Variants in IGSF11 observed in about 807,000 individuals in gnomAD.
IGSF11 encodes the protein CXADR like 1.
IGSF11 carries 22 observed loss-of-function variants against 41.0 expected under a neutral mutation model. That is an observed-to-expected ratio of 0.54 (90% CI 0.38 to 0.77). The LOEUF (loss-of-function observed/expected upper bound fraction) is 0.77, where lower values mean the gene tolerates loss of function less well. Among genes scored for constraint, IGSF11 ranks in the 30% least tolerant of loss-of-function variants. The pLI is 0.00. For missense variants in IGSF11, 444 were observed against 530.8 expected, an observed-to-expected ratio of 0.84 and a Z score of 1.61; for synonymous variants, 219 against 201.3, an observed-to-expected ratio of 1.09 and a Z score of -0.74.
intron 1 of IGSF11, among the ~76,000 whole-genome samples, chr3:119,078,691 G>T (rs1165242649): frequency 6.6e-6 from 1 of 152,136 alleles, no homozygotes; most frequent in South Asian, 2.1e-4. Context: ...AAAAGCAATT[G>T]CAACAAAAAG....
At chr3:119,122,331 A>C (rs1380597468) in intron 1 of IGSF11, among the ~76,000 whole-genome samples, 1 of 152,234 alleles carries the variant, frequency 6.6e-6, no homozygotes, top group Non-Finnish European at 1.5e-5. Flanking sequence ...TATATAGCTG[A>C]TACCTGCCCA....
chr3:119,012,660 C>T (rs1173550586), intron 1 of IGSF11: 4 of 152,172 alleles, frequency 2.6e-5, no homozygotes, highest in Non-Finnish European at 5.9e-5. Context: ...TACATTTCCC[C>T]CATCCACTTT....
intron 1 of IGSF11, among the ~76,000 whole-genome samples, chr3:119,130,413 C>T (rs2077465450): frequency 6.6e-6 from 1 of 152,218 alleles, no homozygotes; most frequent in African/African-American, 2.4e-5. Context: ...CTCTCCTGTG[C>T]CTGGCTCGGC....
At chr3:118,907,270 T>C (rs1939720455) in intron 4 of IGSF11, among the ~76,000 whole-genome samples, 1 of 152,196 alleles carries the variant, frequency 6.6e-6, no homozygotes, top group African/African-American at 2.4e-5. Flanking sequence ...GAGTAAAGTG[T>C]GCAGCATTTA....
At chr3:119,045,878 G>A (rs575519693) in intron 1 of IGSF11, among the ~76,000 whole-genome samples, 11 of 152,084 alleles carry the variant, frequency 7.2e-5, no homozygotes, top group Middle Eastern at 3.4e-3. Flanking sequence ...CCCCCAGCAG[G>A]GGCACAGTGA....
At chr3:119,005,509 AT>A in intron 1 of IGSF11, among the ~76,000 whole-genome samples, 1 of 145,766 alleles carries the variant, frequency 6.9e-6, no homozygotes, top group Middle Eastern at 3.4e-3. Flanking sequence ...TGTCATTATG[AT>A]GTTAGCTGGT....
intron 4 of IGSF11, among the ~76,000 whole-genome samples, chr3:118,914,315 G>T (rs551019874): frequency 6.6e-6 from 1 of 151,792 alleles, no homozygotes; most frequent in Non-Finnish European, 1.5e-5. Flanking sequence ...CGCAGAAGAC[G>T]GGTGATTTCT....
chr3:118,998,223 G>A (rs529113775), intron 1 of IGSF11, among the ~76,000 whole-genome samples: 4 of 152,166 alleles, frequency 2.6e-5, no homozygotes, highest in South Asian at 2.1e-4. Flanking sequence ...GATCAGAGGT[G>A]ACAGCCTGGT....
chr3:119,083,113 C>CTTTTTCT (rs1203517109), intron 1 of IGSF11, among the ~76,000 whole-genome samples: 1 of 138,356 alleles, frequency 7.2e-6, no homozygotes, highest in Admixed American at 7.7e-5. Context: ...TTTTCTTTTT[C>CTTTTTCT]TTTTTCTTTT....
At chr3:118,960,476 G>A (rs918760347) in intron 1 of IGSF11, among the ~76,000 whole-genome samples, 11 of 152,162 alleles carry the variant, frequency 7.2e-5, no homozygotes, top group South Asian at 2.1e-4. Flanking sequence ...TATCATATAC[G>A]TATGTATAAA....
In IGSF11 at chr3:119,125,237, A is replaced by C. The variant is rs1469432672; in HGVS notation, c.-13-20032T>G. On this transcript the variant is annotated intron_variant, in intron 1 of 7. Transcript: ENST00000425327. ...ATCTGAAAGGGCCGGCAGTGCCAAG[A>C]TGGCCAACTAGAAGCAGCTGCGTTT... is the stretch of plus-strand genomic sequence containing the variant. 2.0e-5 allele frequency among the ~76,000 whole-genome samples: 3 copies of C among 152,218 alleles called. No individual in the cohort carries two copies. In the East Asian group the frequency reaches 5.8e-4, roughly 29 times the overall value.
At chr3:119,024,745 TA>T (rs1221552410) in intron 1 of IGSF11, among the ~76,000 whole-genome samples, 2 of 152,178 alleles carry the variant, frequency 1.3e-5, no homozygotes, top group Non-Finnish European at 1.5e-5. Context: ...ATTTATCACA[TA>T]ACCTAGTATA....
intron 1 of IGSF11, among the ~76,000 whole-genome samples, chr3:119,009,353 T>C (rs1215725389): frequency 1.3e-5 from 2 of 152,172 alleles, no homozygotes; most frequent in African/African-American, 2.4e-5. Flanking sequence ...TCCACCCAAA[T>C]CTTACCTAGA....
chr3:119,111,777 T>A (rs1214986992), intron 1 of IGSF11, among the ~76,000 whole-genome samples: 3 of 152,220 alleles, frequency 2.0e-5, no homozygotes, highest in South Asian at 2.1e-4. Flanking sequence ...TTGGTGTGGA[T>A]GTTCTTTCTG....
intron 1 of IGSF11, among the ~76,000 whole-genome samples, chr3:118,980,873 CTTT>C (rs1430985309): frequency 1.3e-5 from 2 of 152,068 alleles, no homozygotes; most frequent in African/African-American, 2.4e-5. Flanking sequence ...TCTGGTATTT[CTTT>C]TTTATCTTCA....
chr3:118,931,765 G>A (rs540108527), intron 1 of IGSF11, among the ~76,000 whole-genome samples: 57 of 140,140 alleles, frequency 4.1e-4, no homozygotes, highest in Non-Finnish European at 7.4e-4. Flanking sequence ...AGACAGTCTC[G>A]CTCTGTTGCC....
chr3:119,100,611 G>C (rs1316879610), intron 1 of IGSF11, among the ~76,000 whole-genome samples: 1 of 152,190 alleles, frequency 6.6e-6, no homozygotes, highest in African/African-American at 2.4e-5. Context: ...TCAAAAATAT[G>C]TAACTTCATA....
intron 1 of IGSF11, among the ~76,000 whole-genome samples, chr3:118,943,980 G>A (rs1943914526): frequency 6.6e-6 from 1 of 152,160 alleles, no homozygotes; most frequent in African/African-American, 2.4e-5. Context: ...CCATCAGGAA[G>A]GATGTTACAT....
At chr3:119,117,100 T>C (rs1410072700) in intron 1 of IGSF11, among the ~76,000 whole-genome samples, 1 of 152,110 alleles carries the variant, frequency 6.6e-6, no homozygotes, top group East Asian at 1.9e-4. Context: ...ATTAAACTCT[T>C]TCTCTGCTAC....
Sources: allele counts gnomAD v4.1 joint callset (sites outside exome capture counted in the v4.1 genomes callset), GRCh38; gene constraint gnomAD v4.1.1; transcripts MANE v1.5; gene names NCBI Gene and HGNC (gene_info 2026-07-23, HGNC 2026-07-21).